Variants in COL4A2 observed in about 807,000 individuals in gnomAD.
COL4A2 encodes the protein collagen alpha-2(IV) chain.
In COL4A2, 99 loss-of-function variants were observed where a neutral mutation model predicts 200.2. The observed-to-expected ratio is 0.49, with a 90% CI of 0.42 to 0.58. The LOEUF is 0.58. Among genes scored for constraint, COL4A2 ranks in the 20% least tolerant of loss-of-function variants. The pLI, the probability that COL4A2 is intolerant of heterozygous loss-of-function variation, is 0.00. For missense variants in COL4A2, 1,950 were observed against 2,314.1 expected, an observed-to-expected ratio of 0.84 and a Z score of 3.23; for synonymous variants, 897 against 900.6, an observed-to-expected ratio of 1.00 and a Z score of 0.07.
In COL4A2 at chr13:110,413,281, G is replaced by A. The variant is rs190096818; in HGVS notation, c.181-11453G>A. ...GTGTTTAACAGACAGCACATGGAGT[G>A]TGTTCTGTGTGTCAAATCCTGCAAG... On this transcript the variant is annotated intron_variant, in intron 4 of 47. Transcript: ENST00000360467. Among the ~76,000 whole-genome samples, 180 of 152,370 alleles carry A rather than the reference G, an allele frequency of 1.2e-3. 1 individual carries two copies. Among genetic ancestry groups the A allele is most frequent in the African/African-American group, 4.1e-3 (171 of 41,580 alleles).
intron 11 of COL4A2, among the ~76,000 whole-genome samples, 167 bp downstream of exon 11, chr13:110,432,527 G>C (rs1880719877): frequency 1.3e-5 from 2 of 152,140 alleles, no homozygotes; most frequent in Non-Finnish European, 2.9e-5. Context: ...TCCAAGGATA[G>C]ATCCATGGTG....
At chr13:110,437,500 T>C (rs961257747) in intron 13 of COL4A2, among the ~76,000 whole-genome samples, 2 of 152,352 alleles carry the variant, frequency 1.3e-5, no homozygotes, top group African/African-American at 4.8e-5. Flanking sequence ...TTCACCATTT[T>C]AGACGAAGAG....
At position 110,450,434 on chromosome 13, in the gene COL4A2, C is replaced by T; in HGVS notation, c.1319C>T (p.Pro440Leu). 6.2e-7 allele frequency: 1 copy of T among 1,613,892 alleles called. No homozygotes were observed. The highest frequency in any genetic ancestry group is 1.3e-5 in the African/African-American group (1 of 75,044). Reference protein sequence around the residue: ...KRGPPGPPGLPGPPGPDGFLF... With the variant: ...KRGPPGPPGLLGPPGPDGFLF... Reference sequence around the variant, plus strand: ...GGGCCTCCAGGACCCCCCGGGCTCCCTGGACCACCTGGACCTGATGGTGAG... The same window carrying T: ...GGGCCTCCAGGACCCCCCGGGCTCCTTGGACCACCTGGACCTGATGGTGAG... Residue 440 changes from proline (P) to leucine (L), a missense_variant, in exon 20 of 48, where the codon CCT becomes CTT. Pro to Leu is a moderately conservative substitution (Grantham distance 98). This residue lies in a region of COL4A2 where 565 missense variants were observed against 593.5 expected (regional missense o/e 0.95). Transcript: ENST00000360467.
intron 3 of COL4A2, among the ~76,000 whole-genome samples, chr13:110,310,920 G>A (rs544884555): frequency 9.2e-5 from 14 of 152,236 alleles, no homozygotes; most frequent in African/African-American, 3.4e-4. Flanking sequence ...TGCAGCCCTC[G>A]CCCAAGGTTC....
At chr13:110,387,016 A>G (rs1594184914) in intron 4 of COL4A2, among the ~76,000 whole-genome samples, 1 of 152,040 alleles carries the variant, frequency 6.6e-6, no homozygotes, top group Non-Finnish European at 1.5e-5. Flanking sequence ...GAGGCGGGTG[A>G]ATTACGAGGT....
chr13:110,364,000 C>T (rs1877636360), intron 4 of COL4A2, among the ~76,000 whole-genome samples: 1 of 152,190 alleles, frequency 6.6e-6, no homozygotes, highest in Non-Finnish European at 1.5e-5. Context: ...TGCACCCGGC[C>T]TCTGTCTTAG....
chr13:110,494,103 C>T (rs1438089395), intron 39 of COL4A2, among the ~76,000 whole-genome samples: 1 of 152,220 alleles, frequency 6.6e-6, no homozygotes, highest in Non-Finnish European at 1.5e-5. Flanking sequence ...ACTTTCATAG[C>T]ACTTTCTGGC....
At chr13:110,389,596 C>T (rs1878908727) in intron 4 of COL4A2, among the ~76,000 whole-genome samples, 2 of 152,186 alleles carry the variant, frequency 1.3e-5, no homozygotes, top group Non-Finnish European at 2.9e-5. Flanking sequence ...TTAATCTCCC[C>T]ATGCAAGGGA....
At chr13:110,486,651 C>T (rs1883126926) in intron 34 of COL4A2, among the ~76,000 whole-genome samples, 1 of 152,114 alleles carries the variant, frequency 6.6e-6, no homozygotes, top group East Asian at 1.9e-4. Flanking sequence ...AGCAATCAAG[C>T]TGTTAATTTC....
chr13:110,328,775 A>G (rs1362614413), intron 3 of COL4A2, among the ~76,000 whole-genome samples: 1 of 152,230 alleles, frequency 6.6e-6, no homozygotes, highest in Non-Finnish European at 1.5e-5. Context: ...GTCTCCTAGC[A>G]GATCTGAGAT....
chr13:110,466,476 G>T (rs1445760693), intron 26 of COL4A2, among the ~76,000 whole-genome samples: 1 of 152,168 alleles, frequency 6.6e-6, no homozygotes, highest in Non-Finnish European at 1.5e-5. Flanking sequence ...GTTCTTGCAA[G>T]AGAGCCTCTT....
At position 110,437,323 on chromosome 13, in the gene COL4A2, T is replaced by C. The variant is rs140599855; in HGVS notation, c.826-679T>C. 4.5e-3 allele frequency among the ~76,000 whole-genome samples: 682 copies of C among 152,260 alleles called. 9 individuals are homozygous for C. The highest frequency in any genetic ancestry group is 0.016 in the African/African-American group (644 of 41,534). ...GAGCCCAGAGCAGGTTTGATCCACG[T>C]GGAGGTGCTCAATCTTCCGAGTCAA... On this transcript the variant is annotated intron_variant, in intron 13 of 47. Coordinates refer to ENST00000360467, the MANE Select transcript of COL4A2 (RefSeq NM_001846.4).
In COL4A2 at chr13:110,512,147, C is replaced by T. The variant is rs779097251; in HGVS notation, c.5095C>T (p.Arg1699Cys). Reference sequence around the variant, plus strand: ...CGACACGCTCAAGGCCGGCCTCATCCGCACACACATCAGCCGCTGCCAGGT... The same window carrying T: ...CGACACGCTCAAGGCCGGCCTCATCTGCACACACATCAGCCGCTGCCAGGT... ...SADTLKAGLI[R>C]THISRCQVCM... The change falls in exon 48 of 48, where the codon CGC (arginine) becomes TGC (cysteine). Residue 1699 changes from arginine to cysteine, a missense_variant. Arg to Cys is a radical substitution (Grantham distance 180, BLOSUM62 -3). Coordinates refer to ENST00000360467, the MANE Select transcript of COL4A2 (RefSeq NM_001846.4). The T allele has an allele frequency of 9.3e-6, 15 of 1,613,248 alleles. No individual in the cohort carries two copies. The highest frequency in any genetic ancestry group is 8.5e-7 in the Non-Finnish European group (1 of 1,180,032).
intron 3 of COL4A2, 43 bp from the exon 4 acceptor site, chr13:110,357,429 A>T: frequency 6.4e-7 from 1 of 1,556,192 alleles, no homozygotes; most frequent in Non-Finnish European, 8.7e-7. Context: ...GTAGTTGGCA[A>T]TGTTTAGGTA....
intron 3 of COL4A2, among the ~76,000 whole-genome samples, chr13:110,309,894 G>C (rs1280713879): frequency 6.6e-6 from 1 of 152,194 alleles, no homozygotes. Context: ...AGGAGGCTGA[G>C]GCACAAGAAT....
At chr13:110,340,413 T>G (rs1014773815) in intron 3 of COL4A2, among the ~76,000 whole-genome samples, 1 of 152,222 alleles carries the variant, frequency 6.6e-6, no homozygotes, top group African/African-American at 2.4e-5. Context: ...ATGGTCCTCA[T>G]GTAAGCTGAC....
At position 110,450,425 on chromosome 13, in the gene COL4A2, C is replaced by A; in HGVS notation, c.1310C>A (p.Pro437His). 3 of 1,613,916 alleles carry A rather than the reference C, an allele frequency of 1.9e-6. No homozygotes were observed. The highest frequency in any genetic ancestry group is 2.5e-6 in the Non-Finnish European group (3 of 1,179,952). ...GGAAAGCGAGGGCCTCCAGGACCCC[C>A]CGGGCTCCCTGGACCACCTGGACCT... The part of the protein sequence containing the change: ...PDGKRGPPGP[P>H]GLPGPPGPDG... Residue 437 changes from proline (P) to histidine (H), a missense_variant, in exon 20 of 48, where the codon CCC becomes CAC. Physicochemically the swap from Pro to His is moderately conservative, Grantham distance 77. Coordinates refer to ENST00000360467, the MANE Select transcript of COL4A2 (RefSeq NM_001846.4).
At chr13:110,394,231 G>C (rs562711995) in intron 4 of COL4A2, among the ~76,000 whole-genome samples, 1 of 152,304 alleles carries the variant, frequency 6.6e-6, no homozygotes, top group South Asian at 2.1e-4. Context: ...CTTTCTGCCA[G>C]ACACTGTTTT....
In COL4A2 at chr13:110,430,391, TCTC is replaced by T; in HGVS notation, c.550-8_550-6del. The T allele has an allele frequency of 6.2e-7, 1 of 1,607,154 alleles. No homozygotes were observed. The highest frequency in any genetic ancestry group is 8.5e-7 in the Non-Finnish European group (1 of 1,178,396). ...AGCTATCACTCTTAAAATTATTTCT[TCTC>T]CATTAGGGTGAACCTGGAGAGCCTG... On this transcript the variant is annotated splice_polypyrimidine_tract_variant and splice_region_variant and intron_variant, in intron 8 of 47. Coordinates refer to ENST00000360467, the MANE Select transcript of COL4A2 (RefSeq NM_001846.4).
Sources: allele counts gnomAD v4.1 joint callset (sites outside exome capture counted in the v4.1 genomes callset), GRCh38; gene constraint gnomAD v4.1.1; regional missense constraint gnomAD v4.1.1; transcripts MANE v1.5; gene names NCBI Gene and HGNC (gene_info 2026-07-23, HGNC 2026-07-21).